The following DNAH6 variants were observed in gnomAD, a reference collection of about 807,000 sequenced individuals.
The protein encoded by DNAH6 is dynein axonemal heavy chain 6.
Under a neutral mutation model 491.4 loss-of-function variants are expected in DNAH6, and 340 were observed. That is an observed-to-expected ratio of 0.69 (90% CI 0.63 to 0.76). DNAH6 has a LOEUF of 0.76. DNAH6 is among the 30% of genes least tolerant of loss of function. The pLI is 0.00. For synonymous variants in DNAH6, 1,603 were observed against 1,686.1 expected (o/e 0.95, Z 1.21); for missense variants, 4,443 against 4,972.2 (o/e 0.89, Z 3.20).
At chr2:84,682,175 A>C (rs915060884) in intron 42 of DNAH6, among the ~76,000 whole-genome samples, 1 of 152,062 alleles carries the variant, frequency 6.6e-6, no homozygotes, top group Non-Finnish European at 1.5e-5. Flanking sequence ...ACTGTGCTCA[A>C]CTGCTCTACC....
At chr2:84,633,811 A>C (rs1573300837) in intron 29 of DNAH6, among the ~76,000 whole-genome samples, 1 of 151,996 alleles carries the variant, frequency 6.6e-6, no homozygotes, top group Admixed American at 6.6e-5. Context: ...ACACAGATCT[A>C]TCAGCCTTTC....
Position 84,815,924 on chromosome 2 carries a change from G to C in DNAH6, c.12214G>C (p.Asp4072His). The C allele has an allele frequency of 6.4e-7, 1 of 1,551,826 alleles. No individual in the cohort carries two copies. The highest frequency in any genetic ancestry group is 2.4e-5 in the East Asian group (1 of 40,922). The change falls in exon 76 of 77, where the codon GAT becomes CAT. Residue 4072 changes from aspartate to histidine, a missense_variant. Physicochemically the swap from Asp to His is moderately conservative, Grantham distance 81. This residue lies in a region of DNAH6 where 1,463 missense variants were observed against 1,656.6 expected (regional missense o/e 0.88). Transcript: ENST00000389394. ...GTTCATGGATGCTTCTCGATGGGAT[G>C]ATAAGGAGATGGTGATAGAAGATGC... ...GMFMDASRWD[D>H]KEMVIEDALP...
chr2:84,604,603 T>G, intron 19 of DNAH6, 52 bp downstream of exon 19: 1 of 1,382,184 alleles, frequency 7.2e-7, no homozygotes. Context: ...TGTGAAAGTT[T>G]TCAGATTCAA....
rs539431764 is a variant in DNAH6, at chr2:84,707,383, G to A, written c.8852-137G>A. On this transcript the variant is annotated intron_variant, in intron 53 of 76. Coordinates refer to ENST00000389394, the MANE Select transcript of DNAH6 (RefSeq NM_001370.2). ...AAATGGGAATTAATGCTGAATTGGT[G>A]TAAGGTTTCATAGAGATGTATTGAC... is the stretch of plus-strand genomic sequence containing the variant. 7.8e-6 allele frequency: 7 copies of A among 901,768 alleles called. No individual in the cohort carries two copies. In the South Asian group the frequency reaches 1.5e-4, roughly 19 times the overall value. 55.9% of individuals were successfully genotyped at this position (901,768 alleles called of 1,614,324 possible).
chr2:84,462,625 G>A, the DNAH6 span, among the ~76,000 whole-genome samples: 1 of 152,182 alleles, frequency 6.6e-6, no homozygotes, highest in Non-Finnish European at 1.5e-5. Flanking sequence ...TTGTGGGTGA[G>A]GGCTTCTTAC....
chr2:84,597,024 T>C (rs978449338), intron 18 of DNAH6, among the ~76,000 whole-genome samples: 1 of 152,226 alleles, frequency 6.6e-6, no homozygotes, highest in Non-Finnish European at 1.5e-5. Flanking sequence ...AATACAATAG[T>C]ACCATACAGA....
At chr2:84,765,050 A>G (rs537199188) in intron 64 of DNAH6, among the ~76,000 whole-genome samples, 1 of 152,276 alleles carries the variant, frequency 6.6e-6, no homozygotes, top group South Asian at 2.1e-4. Flanking sequence ...TATGTCACAC[A>G]AACTAATATT....
chr2:84,538,151 C>T (rs1272018050), intron 4 of DNAH6, among the ~76,000 whole-genome samples: 1 of 152,046 alleles, frequency 6.6e-6, no homozygotes, highest in Non-Finnish European at 1.5e-5. Context: ...TCCTCATGCA[C>T]GCCACTTAAT....
intron 33 of DNAH6, among the ~76,000 whole-genome samples, chr2:84,643,304 C>A (rs989637945): frequency 6.7e-6 from 1 of 150,192 alleles, no homozygotes; most frequent in East Asian, 2.0e-4. Flanking sequence ...TATATTTTTT[C>A]TTTATCTTTA....
chr2:84,463,399 T>C, the DNAH6 span, among the ~76,000 whole-genome samples: 7 of 152,310 alleles, frequency 4.6e-5, no homozygotes, highest in Non-Finnish European at 8.8e-5. Flanking sequence ...TTGTTGGTTT[T>C]TGAAATAGGT....
intron 2 of DNAH6, among the ~76,000 whole-genome samples, chr2:84,523,296 A>G (rs75166378): frequency 0.012 from 1,846 of 152,160 alleles, 38 homozygotes; most frequent in African/African-American, 0.042. Flanking sequence ...GTAAGCAATA[A>G]TATCCCTTTT....
intron 14 of DNAH6, among the ~76,000 whole-genome samples, chr2:84,581,287 G>C (rs1183533382): frequency 6.6e-6 from 1 of 152,202 alleles, no homozygotes; most frequent in African/African-American, 2.4e-5. Flanking sequence ...GTCTGTGTTT[G>C]CTGGGTGGTG....
chr2:84,733,350 A>G (rs1024629212), intron 61 of DNAH6, 94 bp from the exon 62 acceptor site: 3 of 1,060,820 alleles, frequency 2.8e-6, no homozygotes, highest in Non-Finnish European at 4.1e-6. Context: ...TTATTTTAAC[A>G]TACTATTAGA....
chr2:84,669,498 T>G lies in DNAH6; in HGVS notation c.6294T>G (p.Thr2098=), dbSNP rs769546828. 4 of 1,551,702 alleles carry G rather than the reference T, an allele frequency of 2.6e-6. No homozygotes were observed. In the South Asian group the frequency reaches 4.8e-5, roughly 18 times the overall value. Residue 2098 remains threonine, a synonymous_variant, in exon 38 of 77, where the codon ACT becomes ACG. Transcript: ENST00000389394. ...ATTCCGTGTTGTTTACTGGAATAAC[T>G]GGAGTGGGCAAGGTAGGAAACTTAC... The part of the protein sequence containing the change: ...VKHSVLFTGI[T]GVGKSVIAKG...
chr2:84,479,679 C>A, the DNAH6 span, among the ~76,000 whole-genome samples: 1 of 152,172 alleles, frequency 6.6e-6, no homozygotes, highest in African/African-American at 2.4e-5. Context: ...AAAAGAGACC[C>A]AAGAGTTGCT....
At position 84,548,277 on chromosome 2, in the gene DNAH6, G is replaced by T. The variant is rs1427087107; in HGVS notation, c.1187-11G>T. Reference sequence around the variant, plus strand: ...AAGTACACTTGTTGTTGTTCCTTCTGTTATTCTTAGATTATCATAAAGTGC... The same window carrying T: ...AAGTACACTTGTTGTTGTTCCTTCTTTTATTCTTAGATTATCATAAAGTGC... On this transcript the variant is annotated splice_polypyrimidine_tract_variant and intron_variant, in intron 7 of 76. Transcript: ENST00000389394. The T allele has an allele frequency of 6.2e-7, 1 of 1,603,996 alleles. No homozygotes were observed. Among genetic ancestry groups the T allele is most frequent in the African/African-American group, 1.3e-5 (1 of 74,374 alleles).
intron 63 of DNAH6, among the ~76,000 whole-genome samples, chr2:84,758,773 G>A (rs1441511845): frequency 2.0e-5 from 3 of 152,016 alleles, no homozygotes; most frequent in Non-Finnish European, 4.4e-5. Flanking sequence ...AACAAATTAG[G>A]CATAGAAGGA....
intron 72 of DNAH6, among the ~76,000 whole-genome samples, chr2:84,810,524 G>A (rs563225504): frequency 2.6e-5 from 4 of 152,276 alleles, no homozygotes; most frequent in Non-Finnish European, 4.4e-5. Context: ...TGCTCACCAC[G>A]GCATGCTGTA....
intron 13 of DNAH6, among the ~76,000 whole-genome samples, chr2:84,579,205 G>A (rs1005169381): frequency 4.6e-5 from 7 of 152,172 alleles, no homozygotes; most frequent in African/African-American, 1.4e-4. Context: ...CATGGCTAGC[G>A]CCCAACATGA....
Sources: allele counts gnomAD v4.1 joint callset (sites outside exome capture counted in the v4.1 genomes callset), GRCh38; gene constraint gnomAD v4.1.1; regional missense constraint gnomAD v4.1.1; transcripts MANE v1.5; gene names NCBI Gene and HGNC (gene_info 2026-07-23, HGNC 2026-07-21).